COBL: variants seen among roughly 807,000 people sequenced by gnomAD.
COBL encodes protein cordon-bleu.
A neutral mutation model predicts 98.8 loss-of-function variants in COBL; 51 were observed. The observed-to-expected ratio is 0.52, with a 90% CI of 0.41 to 0.65. The LOEUF (loss-of-function observed/expected upper bound fraction) is 0.65. COBL is among the 30% of genes least tolerant of loss of function. The pLI, the probability that COBL is intolerant of heterozygous loss-of-function variation, is 0.00. For synonymous variants in COBL, 634 were observed against 651.7 expected, an observed-to-expected ratio of 0.97 and a Z score of 0.41; for missense variants, 1,617 against 1,617.5, an observed-to-expected ratio of 1.00 and a Z score of 0.01.
chr7:51,162,880 T>G (rs1193228999), intron 5 of COBL, among the ~76,000 whole-genome samples: 1 of 152,214 alleles, frequency 6.6e-6, no homozygotes, highest in Non-Finnish European at 1.5e-5. Flanking sequence ...GCTGTTACCC[T>G]GTTTGCACAA....
Position 51,043,391 on chromosome 7 carries a change from T to A in COBL, c.1398A>T (p.Ser466=). Residue 466 remains serine (S), a synonymous_variant, in exon 8 of 13, where the codon TCA becomes TCT. Transcript: ENST00000265136. The stretch of plus-strand genomic sequence containing the variant: ...TCCTTCCCGTGACTCACCTCAGATG[T>A]GAGTTCTCAGAGCCATTCTTCTCCC... ...PLWEKNGSEN[S]HLRTEKAVTA... is the part of the protein sequence containing the mutation. The A allele has an allele frequency of 6.2e-7, 1 of 1,614,032 alleles. No individual in the cohort carries two copies. Among genetic ancestry groups the A allele is most frequent in the Non-Finnish European group, 8.5e-7 (1 of 1,179,966 alleles).
At chr7:51,040,209 C>A (rs965357629) in intron 8 of COBL, among the ~76,000 whole-genome samples, 3 of 145,420 alleles carry the variant, frequency 2.1e-5, no homozygotes, top group Non-Finnish European at 3.0e-5. Context: ...AAAAAAAAAA[C>A]CTCAAAATGG....
intron 1 of COBL, among the ~76,000 whole-genome samples, chr7:51,230,574 T>C (rs1336868974): frequency 1.3e-5 from 2 of 152,198 alleles, no homozygotes; most frequent in African/African-American, 4.8e-5. Context: ...CCCAGACTCT[T>C]ACAGTGGACT....
In COBL at chr7:51,028,515, T is replaced by C; in HGVS notation, c.2581A>G (p.Arg861Gly). The C allele has an allele frequency of 6.2e-7, 1 of 1,614,282 alleles. No homozygotes were observed. Among genetic ancestry groups the C allele is most frequent in the Admixed American group, 1.7e-5 (1 of 60,038 alleles). The part of the protein sequence containing the change: ...TTEVTFLKPQ[R>G]RTSSQYVASA... ...GCCACATACTGGCTGGACGTTCTTC[T>C]CTGAGGCTTGAGAAATGTGACTTCT... is the stretch of plus-strand genomic sequence containing the variant. Residue 861 changes from arginine (R) to glycine (G), a missense_variant, in exon 10 of 13, where the codon AGA becomes GGA. By Grantham distance (125) the Arg-to-Gly change is moderately radical. Transcript: ENST00000265136.
intron 5 of COBL, among the ~76,000 whole-genome samples, chr7:51,149,466 A>G (rs1418737803): frequency 6.6e-6 from 1 of 152,194 alleles, no homozygotes; most frequent in African/African-American, 2.4e-5. Context: ...AGCAACTTTT[A>G]AACTGGCTGG....
intron 5 of COBL, among the ~76,000 whole-genome samples, chr7:51,141,706 T>A (rs1208019807): frequency 6.6e-6 from 1 of 151,836 alleles, no homozygotes; most frequent in Non-Finnish European, 1.5e-5. Flanking sequence ...TTATCCACAC[T>A]GGCTTTTCTT....
At chr7:51,268,304 A>G (rs574671686) in intron 1 of COBL, among the ~76,000 whole-genome samples, 2 of 152,338 alleles carry the variant, frequency 1.3e-5, no homozygotes, top group Admixed American at 1.3e-4. Flanking sequence ...AATGCAATCA[A>G]TGCACCCTGC....
intron 4 of COBL, chr7:51,187,929 A>G: frequency 8.1e-7 from 1 of 1,232,428 alleles, no homozygotes; most frequent in Non-Finnish European, 1.0e-6. Context: ...CAGCTCAGGG[A>G]AGGCTCGGAC....
intron 6 of COBL, among the ~76,000 whole-genome samples, chr7:51,107,361 A>G (rs1796405259): frequency 6.6e-6 from 1 of 152,128 alleles, no homozygotes; most frequent in African/African-American, 2.4e-5. Context: ...TGCTGGGATT[A>G]CAGGTGTGAG....
intron 12 of COBL, chr7:51,022,755 A>T (rs1787065087): frequency 6.6e-6 from 1 of 152,224 alleles, no homozygotes; most frequent in South Asian, 2.1e-4. Context: ...TACAGAAACC[A>T]GTCACTGAGA....
At chr7:51,114,280 G>GT (rs764266939) in intron 6 of COBL, among the ~76,000 whole-genome samples, 7 of 151,752 alleles carry the variant, frequency 4.6e-5, no homozygotes, top group Non-Finnish European at 1.0e-4. Flanking sequence ...AGGCAAATCA[G>GT]TGTGAGGAGT....
At chr7:51,273,497 A>C (rs982405719) in intron 1 of COBL, among the ~76,000 whole-genome samples, 8 of 152,340 alleles carry the variant, frequency 5.3e-5, no homozygotes, top group African/African-American at 1.9e-4. Flanking sequence ...AAACAAACCC[A>C]TATCTGCAGT....
chr7:51,114,260 C>T (rs1211618028), intron 6 of COBL, among the ~76,000 whole-genome samples: 2 of 151,962 alleles, frequency 1.3e-5, no homozygotes, highest in African/African-American at 4.8e-5. Context: ...TTCTCAGCTC[C>T]ACCCATCAAA....
intron 8 of COBL, chr7:51,033,799 G>A (rs1232135060): frequency 6.6e-6 from 1 of 152,244 alleles, no homozygotes; most frequent in Non-Finnish European, 1.5e-5. Context: ...ACTGCACACA[G>A]TAAGCACTTT....
intron 7 of COBL, among the ~76,000 whole-genome samples, chr7:51,079,914 A>G (rs1323368994): frequency 2.0e-5 from 3 of 152,248 alleles, no homozygotes; most frequent in Non-Finnish European, 4.4e-5. Flanking sequence ...CTGAGCACAC[A>G]GTTTTCTCCA....
At chr7:51,243,426 G>A (rs1214717353) in intron 1 of COBL, among the ~76,000 whole-genome samples, 3 of 152,292 alleles carry the variant, frequency 2.0e-5, no homozygotes, top group African/African-American at 4.8e-5. Context: ...CTGCTACTAC[G>A]GGATCTATTG....
At chr7:51,311,030 G>GCAT (rs1439701856) in intron 1 of COBL, among the ~76,000 whole-genome samples, 1 of 151,996 alleles carries the variant, frequency 6.6e-6, no homozygotes, top group Non-Finnish European at 1.5e-5. Context: ...CTTTTTACAG[G>GCAT]CATCACTTGG....
At chr7:51,099,673 A>C (rs138615305) in intron 6 of COBL, among the ~76,000 whole-genome samples, 23 of 152,188 alleles carry the variant, frequency 1.5e-4, no homozygotes, top group African/African-American at 5.3e-4. Flanking sequence ...AGAGGTGCCT[A>C]TATTAAACAT....
intron 7 of COBL, chr7:51,072,784 T>A (rs1462831371): frequency 6.6e-6 from 1 of 152,198 alleles, no homozygotes; most frequent in Non-Finnish European, 1.5e-5. Context: ...AATGGCAAAG[T>A]ACACAGTAAC....
Sources: allele counts gnomAD v4.1 joint callset (sites outside exome capture counted in the v4.1 genomes callset), GRCh38; gene constraint gnomAD v4.1.1; transcripts MANE v1.5; gene names NCBI Gene and HGNC (gene_info 2026-07-23, HGNC 2026-07-21).